DACH1: variants seen among roughly 807,000 people sequenced by gnomAD.
The protein encoded by DACH1 is dachshund family transcription factor 1.
Under a neutral mutation model 54.2 loss-of-function variants are expected in DACH1, and 12 were observed. The ratio of observed to expected loss-of-function variants is 0.22; its 90% CI spans 0.14 to 0.36. The LOEUF is 0.36. Ranked by LOEUF, DACH1 falls within the 10% of genes least tolerant of loss-of-function variation. DACH1 has a pLI of 1.00. For missense variants in DACH1, 805 were observed against 929.8 expected (o/e 0.87, Z 1.75); for synonymous variants, 386 against 366.2 (o/e 1.05, Z -0.62).
chr13:71,478,641 T>A (rs1255115452), intron 8 of DACH1, among the ~76,000 whole-genome samples: 1 of 152,200 alleles, frequency 6.6e-6, no homozygotes, highest in East Asian at 1.9e-4. Flanking sequence ...GTTTCTACTC[T>A]GTGTACTTGA....
chr13:71,754,766 C>T (rs935930297), intron 1 of DACH1, among the ~76,000 whole-genome samples: 5 of 149,812 alleles, frequency 3.3e-5, no homozygotes, highest in African/African-American at 9.8e-5. Context: ...ACAAATATAT[C>T]GCACAACTCT....
At chr13:71,552,186 G>A (rs1242888894) in intron 6 of DACH1, among the ~76,000 whole-genome samples, 3 of 152,126 alleles carry the variant, frequency 2.0e-5, no homozygotes, top group African/African-American at 7.2e-5. Context: ...GAGAGACAGA[G>A]AAAGAGAGCG....
At chr13:71,496,371 G>T (rs956821893) in intron 6 of DACH1, among the ~76,000 whole-genome samples, 11 of 138,900 alleles carry the variant, frequency 7.9e-5, no homozygotes, top group African/African-American at 3.0e-4. Flanking sequence ...AGACAAAATG[G>T]AATACTATTC....
chr13:71,642,896 G>C (rs1425459401), intron 2 of DACH1, among the ~76,000 whole-genome samples: 2 of 151,850 alleles, frequency 1.3e-5, no homozygotes, highest in Non-Finnish European at 2.9e-5. Context: ...ATAGTGGCAC[G>C]TGCCTGTAAT....
intron 6 of DACH1, among the ~76,000 whole-genome samples, chr13:71,506,909 G>C (rs1276974960): frequency 6.6e-6 from 1 of 151,282 alleles, no homozygotes; most frequent in Non-Finnish European, 1.5e-5. Context: ...ATGAATTCAA[G>C]ATGGATTAAA....
chr13:71,534,586 G>C (rs1364456903), intron 6 of DACH1, among the ~76,000 whole-genome samples: 1 of 151,636 alleles, frequency 6.6e-6, no homozygotes, highest in Non-Finnish European at 1.5e-5. Flanking sequence ...GTGAGCAATT[G>C]TAACTATGGG....
intron 6 of DACH1, among the ~76,000 whole-genome samples, chr13:71,499,084 A>C (rs1243537753): frequency 2.0e-5 from 3 of 151,158 alleles, no homozygotes; most frequent in Non-Finnish European, 2.9e-5. Flanking sequence ...GGCACCAAGC[A>C]TTAAACACAC....
chr13:71,475,646 A>C, intron 9 of DACH1, 60 bp downstream of exon 9: 1 of 1,548,482 alleles, frequency 6.5e-7, no homozygotes, highest in Non-Finnish European at 8.7e-7. Flanking sequence ...ACACATGCCT[A>C]AACTGTCCTT....
chr13:71,722,725 G>C (rs189635165), intron 1 of DACH1, among the ~76,000 whole-genome samples: 123 of 152,292 alleles, frequency 8.1e-4, no homozygotes, highest in African/African-American at 2.9e-3. Context: ...TGAGGAAAGA[G>C]CTTTGGATTT....
chr13:71,538,759 G>C (rs1490954150), intron 6 of DACH1, among the ~76,000 whole-genome samples: 1 of 152,026 alleles, frequency 6.6e-6, no homozygotes, highest in African/African-American at 2.4e-5. Context: ...AGTTTCAAAT[G>C]CTGGCACCTA....
At chr13:71,813,361 C>T (rs1887792223) in intron 1 of DACH1, among the ~76,000 whole-genome samples, 1 of 152,064 alleles carries the variant, frequency 6.6e-6, no homozygotes, top group Non-Finnish European at 1.5e-5. Flanking sequence ...GAGTCACTTG[C>T]CCAAGTTCTT....
At position 71,475,861 on chromosome 13, in the gene DACH1, T is replaced by C; in HGVS notation, c.1871-12A>G. ...CTTTTGAACTATGGCTAAAAAAGAG[T>C]GTATGCATATTATTATTATTATTTT... On this transcript the variant is annotated splice_polypyrimidine_tract_variant and intron_variant, in intron 8 of 10. Coordinates refer to ENST00000613252, the MANE Select transcript of DACH1 (RefSeq NM_080759.6). The C allele has an allele frequency of 6.5e-7, 1 of 1,549,540 alleles. No individual in the cohort carries two copies. The highest frequency in any genetic ancestry group is 8.7e-7 in the Non-Finnish European group (1 of 1,150,432).
At chr13:71,730,595 G>A (rs539502856) in intron 1 of DACH1, among the ~76,000 whole-genome samples, 7 of 152,022 alleles carry the variant, frequency 4.6e-5, no homozygotes, top group African/African-American at 1.7e-4. Context: ...ATGAGTGTTT[G>A]CACACACATA....
chr13:71,674,607 G>A (rs1880430458), intron 2 of DACH1, among the ~76,000 whole-genome samples: 1 of 151,924 alleles, frequency 6.6e-6, no homozygotes, highest in Non-Finnish European at 1.5e-5. Context: ...CTCCAGAGGG[G>A]GTACCCTGCT....
chr13:71,737,592 A>G (rs551929773), intron 1 of DACH1, among the ~76,000 whole-genome samples: 1 of 152,368 alleles, frequency 6.6e-6, no homozygotes, highest in African/African-American at 2.4e-5. Flanking sequence ...GACTTATTTT[A>G]TAATCAATCA....
At chr13:71,835,335 T>C (rs888101926) in intron 1 of DACH1, among the ~76,000 whole-genome samples, 4 of 152,110 alleles carry the variant, frequency 2.6e-5, no homozygotes, top group African/African-American at 9.6e-5. Context: ...AGAAAAAATA[T>C]TGTATGGAGA....
intron 3 of DACH1, among the ~76,000 whole-genome samples, chr13:71,609,420 T>C (rs1875135501): frequency 6.6e-6 from 1 of 152,202 alleles, no homozygotes; most frequent in Non-Finnish European, 1.5e-5. Context: ...GTACATACTA[T>C]AAACAGGAAA....
At chr13:71,655,497 A>T in intron 2 of DACH1, among the ~76,000 whole-genome samples, 1 of 151,282 alleles carries the variant, frequency 6.6e-6, no homozygotes. Flanking sequence ...CAGCCTCCCG[A>T]GTAGCTGGGA....
chr13:71,824,385 G>A (rs1485277210), intron 1 of DACH1, among the ~76,000 whole-genome samples: 1 of 151,822 alleles, frequency 6.6e-6, no homozygotes, highest in Non-Finnish European at 1.5e-5. Context: ...AGATGGAGAG[G>A]AACTTTCCCT....
Sources: gnomAD v4.1 joint callset for allele counts (sites outside exome capture counted in the v4.1 genomes callset) on GRCh38, gnomAD v4.1.1 for gene constraint, MANE v1.5 for transcripts, NCBI Gene and HGNC (gene_info 2026-07-23, HGNC 2026-07-21) for gene names.